Variants in CCDC112 observed in about 807,000 individuals in gnomAD.
CCDC112 encodes coiled-coil domain-containing protein 112.
A neutral mutation model predicts 66.3 loss-of-function variants in CCDC112; 40 were observed. The ratio of observed to expected loss-of-function variants is 0.60; its 90% CI spans 0.47 to 0.79. CCDC112 has a LOEUF of 0.79. CCDC112 is among the 30% of genes least tolerant of loss of function. The probability of loss-of-function intolerance (pLI) is 0.00; values close to 1 mark genes in which losing one functional copy is unlikely to be tolerated. For missense variants in CCDC112, 659 were observed against 603.8 expected (o/e 1.09, Z -0.96); for synonymous variants, 214 against 197.2 (o/e 1.09, Z -0.71).
intron 2 of CCDC112, 64 bp from the exon 3 acceptor site, chr5:115,279,832 GAAGACACTC>G: frequency 1.2e-6 from 1 of 866,192 alleles, no homozygotes; most frequent in Non-Finnish European, 1.8e-6. Flanking sequence ...TTTAAAATAT[GAAGACACTC>G]AATAATCCGT....
chr5:115,282,929 C>G (rs1274179582), intron 2 of CCDC112, among the ~76,000 whole-genome samples: 1 of 152,056 alleles, frequency 6.6e-6, no homozygotes, highest in Non-Finnish European at 1.5e-5. Flanking sequence ...AATATTCTTT[C>G]AGTGAGTTTT....
At position 115,284,771 on chromosome 5, in the gene CCDC112, A is replaced by G. The variant is rs926530236; in HGVS notation, c.239+16T>C. The G allele has an allele frequency of 2.5e-6, 4 of 1,574,780 alleles. No individual in the cohort carries two copies. Among genetic ancestry groups the G allele is most frequent in the Non-Finnish European group, 3.5e-6 (4 of 1,146,432 alleles). On this transcript the variant is annotated intron_variant, in intron 2 of 9. Coordinates refer to ENST00000379611, the MANE Select transcript of CCDC112 (RefSeq NM_001040440.3). Reference sequence around the variant, plus strand: ...TGGCTAGTAATGTTATTTGAAGATTATATTCTTATACTTACTGATTTTTAA... The same window carrying G: ...TGGCTAGTAATGTTATTTGAAGATTGTATTCTTATACTTACTGATTTTTAA...
chr5:115,273,048 A>G (rs551064841), intron 6 of CCDC112, among the ~76,000 whole-genome samples: 1 of 152,326 alleles, frequency 6.6e-6, no homozygotes, highest in Admixed American at 6.5e-5. Flanking sequence ...ACCCATATTT[A>G]GTCCATGGAC....
chr5:115,293,023 TGACTTATAGTTCTG>T (rs1236309185), intron 1 of CCDC112, among the ~76,000 whole-genome samples: 2 of 152,340 alleles, frequency 1.3e-5, no homozygotes, highest in East Asian at 3.9e-4. Flanking sequence ...ACACATTTAT[TGACTTATAGTTCTG>T]GAGGTCTACT....
At chr5:115,291,696 A>G (rs1262019910) in intron 1 of CCDC112, among the ~76,000 whole-genome samples, 2 of 152,186 alleles carry the variant, frequency 1.3e-5, no homozygotes, top group East Asian at 3.8e-4. Flanking sequence ...AATGTAGGGC[A>G]ATTATGCTAA....
At chr5:115,294,482 C>T (rs1373266995) in intron 1 of CCDC112, among the ~76,000 whole-genome samples, 1 of 152,220 alleles carries the variant, frequency 6.6e-6, no homozygotes, top group Non-Finnish European at 1.5e-5. Context: ...GAAACCAACC[C>T]TAAGGGCAAC....
In CCDC112 at chr5:115,267,381, C is replaced by A; in HGVS notation, c.*495G>T. 6.4e-6 allele frequency: 1 copy of A among 155,082 alleles called. No homozygotes were observed. The highest frequency in any genetic ancestry group is 2.0e-4 in the South Asian group (1 of 4,970). The allele number at this position is 155,082 out of a possible 1,614,324, so 9.6% of individuals were successfully genotyped here. A position where few individuals can be genotyped will look rare whatever the true frequency, so the allele number is the denominator to read the frequency against. On this transcript the variant is annotated 3_prime_UTR_variant, in exon 10 of 10. Transcript: ENST00000379611. The stretch of plus-strand genomic sequence containing the variant: ...TCAAACAAATACAAAATATTTATTA[C>A]ACAAAAATGTCATAACTGACAAACT...
chr5:115,269,596 T>C (rs1358209308), intron 8 of CCDC112, 107 bp downstream of exon 8: 2 of 730,856 alleles, frequency 2.7e-6, no homozygotes, highest in Non-Finnish European at 4.4e-6. Flanking sequence ...TTAAAGTAGA[T>C]GTTATAGAAA....
chr5:115,291,495 G>C (rs1426468276), intron 1 of CCDC112, among the ~76,000 whole-genome samples: 2 of 152,090 alleles, frequency 1.3e-5, no homozygotes, highest in East Asian at 3.8e-4. Flanking sequence ...TGGCCTTACA[G>C]AATGAGAAAT....
intron 2 of CCDC112, among the ~76,000 whole-genome samples, chr5:115,281,314 G>A (rs999952873): frequency 1.3e-5 from 2 of 152,222 alleles, no homozygotes; most frequent in African/African-American, 4.8e-5. Context: ...ATGAGCCACC[G>A]CATCTGACCG....
chr5:115,283,212 C>T (rs1749528418), intron 2 of CCDC112, among the ~76,000 whole-genome samples: 1 of 152,122 alleles, frequency 6.6e-6, no homozygotes, highest in African/African-American at 2.4e-5. Flanking sequence ...CCATGCTGTA[C>T]ATTAGGTCTC....
intron 6 of CCDC112, among the ~76,000 whole-genome samples, chr5:115,272,205 G>T (rs1468529550): frequency 6.6e-6 from 1 of 152,138 alleles, no homozygotes; most frequent in Admixed American, 6.5e-5. Context: ...TTACAGGTGT[G>T]AGCCACCGTG....
intron 6 of CCDC112, 33 bp from the exon 7 acceptor site, chr5:115,271,659 G>C: frequency 6.3e-6 from 9 of 1,426,716 alleles, no homozygotes; most frequent in South Asian, 1.6e-5. Flanking sequence ...GAAAGCAAGA[G>C]AAAAAAGTTT....
At chr5:115,285,745 AT>A (rs1749648209) in intron 1 of CCDC112, among the ~76,000 whole-genome samples, 1 of 152,082 alleles carries the variant, frequency 6.6e-6, no homozygotes, top group African/African-American at 2.4e-5. Context: ...TTTTCTGGCT[AT>A]TTTTTTGGAG....
chr5:115,286,663 G>T (rs1749688199), intron 1 of CCDC112, among the ~76,000 whole-genome samples: 1 of 152,066 alleles, frequency 6.6e-6, no homozygotes, highest in South Asian at 2.1e-4. Flanking sequence ...TCTAATTCTA[G>T]CACTTTGGGA....
At chr5:115,292,316 T>A (rs1749966332) in intron 1 of CCDC112, among the ~76,000 whole-genome samples, 1 of 152,226 alleles carries the variant, frequency 6.6e-6, no homozygotes, top group African/African-American at 2.4e-5. Flanking sequence ...TTTGAGTTCT[T>A]GCATTTTTTA....
rs1288325211 is a variant in CCDC112, at chr5:115,267,815, C to G, written c.*61G>C. ...TATTTAAAGAATGTGGTTAGTCACT[C>G]TCTCCCTGGTATAACTTAGTATGTT... On this transcript the variant is annotated 3_prime_UTR_variant, in exon 10 of 10. Coordinates refer to ENST00000379611, the MANE Select transcript of CCDC112 (RefSeq NM_001040440.3). The G allele has an allele frequency of 5.4e-6, 7 of 1,291,124 alleles. No individual in the cohort carries two copies. Among genetic ancestry groups the G allele is most frequent in the Non-Finnish European group, 7.9e-6 (7 of 886,920 alleles). 80.0% of individuals were successfully genotyped at this position (1,291,124 alleles called of 1,614,324 possible). A position where few individuals can be genotyped will look rare whatever the true frequency, so the allele number is the denominator to read the frequency against.
intron 1 of CCDC112, among the ~76,000 whole-genome samples, chr5:115,291,879 G>T (rs1054056477): frequency 6.6e-6 from 1 of 152,050 alleles, no homozygotes; most frequent in Non-Finnish European, 1.5e-5. Context: ...TCTTATTGAG[G>T]AATTCCTTAT....
In CCDC112 at chr5:115,267,698, T is replaced by A. The variant is rs1748794003; in HGVS notation, c.*178A>T. 3 of 624,772 alleles carry A rather than the reference T, an allele frequency of 4.8e-6. No homozygotes were observed. The highest frequency in any genetic ancestry group is 5.8e-5 in the East Asian group (2 of 34,562). 38.7% of individuals were successfully genotyped at this position (624,772 alleles called of 1,614,324 possible). ...ACACATATATTAAATACCTTCTTGG[T>A]AGAAGCAGGAATACTAATGACAAAG... is the stretch of plus-strand genomic sequence containing the variant. On this transcript the variant is annotated 3_prime_UTR_variant, in exon 10 of 10. Coordinates refer to ENST00000379611, the MANE Select transcript of CCDC112 (RefSeq NM_001040440.3).
Sources: allele counts gnomAD v4.1 joint callset (sites outside exome capture counted in the v4.1 genomes callset), GRCh38; gene constraint gnomAD v4.1.1; transcripts MANE v1.5; gene names NCBI Gene and HGNC (gene_info 2026-07-23, HGNC 2026-07-21).